Variants in CALR observed in about 807,000 individuals in gnomAD.
The protein encoded by CALR is CRP55.
CALR carries 15 observed loss-of-function variants against 51.1 expected under a neutral mutation model. The observed-to-expected ratio is 0.29, with a 90% confidence interval of 0.20 to 0.45. CALR has a LOEUF of 0.45. Among genes scored for constraint, CALR ranks in the 20% least tolerant of loss-of-function variants. The pLI, the probability that CALR is intolerant of heterozygous loss-of-function variation, is 1.00. For missense variants in CALR, 477 were observed against 530.6 expected (o/e 0.90, Z 0.99); for synonymous variants, 239 against 205.9 (o/e 1.16, Z -1.38).
chr19:12,940,332 C>T lies in CALR; in HGVS notation c.582C>T (p.Gly194=). ...TTGACAACAGCCAGGTGGAGTCCGG[C>T]TCCTTGGAAGACGATTGGGACTTCC... ...VKIDNSQVES[G]SLEDDWDFLP... The change falls in exon 5 of 9, where the codon GGC becomes GGT. Residue 194 remains glycine, a synonymous_variant. Coordinates refer to ENST00000316448, the MANE Select transcript of CALR (RefSeq NM_004343.4). 1 of 1,614,156 alleles carries T rather than the reference C, an allele frequency of 6.2e-7. No individual in the cohort carries two copies.
chr19:12,942,383 A>G (rs1454049369), intron 7 of CALR, among the ~76,000 whole-genome samples: 1 of 150,690 alleles, frequency 6.6e-6, no homozygotes, highest in Non-Finnish European at 1.5e-5. Flanking sequence ...AAATGCTGGG[A>G]CTGAATTTTT....
Position 12,940,733 on chromosome 19 carries a change from C to G in CALR, c.817-11C>G, listed in dbSNP as rs548980168. The G allele has an allele frequency of 5.0e-6, 8 of 1,614,048 alleles. No homozygotes were observed. In the Admixed American group the frequency reaches 1.0e-4, roughly 20 times the overall value. Reference sequence around the variant, plus strand: ...CTTACTCACCCTTCGGTTTCCTTCTCCCTTCTGCAGGGTGAGTGGAAGCCC... The same window carrying G: ...CTTACTCACCCTTCGGTTTCCTTCTGCCTTCTGCAGGGTGAGTGGAAGCCC... On this transcript the variant is annotated splice_polypyrimidine_tract_variant and intron_variant, in intron 6 of 8. Transcript: ENST00000316448.
Position 12,943,700 on chromosome 19 carries a change from G to T in CALR, c.1054-13G>T, listed in dbSNP as rs1355109225. On this transcript the variant is annotated splice_polypyrimidine_tract_variant and intron_variant, in intron 8 of 8. Transcript: ENST00000316448. ...CAGGGGGCAAGGCCCTGAGGTGTGT[G>T]CTCTGCCTGCAGGCAGCAGAGAAAC... 1.2e-6 allele frequency: 2 copies of T among 1,614,106 alleles called. No homozygotes were observed. The highest frequency in any genetic ancestry group is 2.2e-5 in the East Asian group (1 of 44,878).
chr19:12,940,084 G>A lies in CALR; in HGVS notation c.429G>A (p.Lys143=). The A allele has an allele frequency of 6.2e-7, 1 of 1,614,122 alleles. No individual in the cohort carries two copies. The highest frequency in any genetic ancestry group is 1.3e-5 in the African/African-American group (1 of 75,028). Residue 143 remains lysine (K), a synonymous_variant, in exon 4 of 9, where the codon AAG becomes AAA. Transcript: ENST00000316448. ...ACATCTGTGGCCCTGGCACCAAGAA[G>A]GTTCATGTCATCTTCAACTACAAGG... ...GPDICGPGTK[K]VHVIFNYKGK... is the part of the protein sequence containing the mutation.
intron 3 of CALR, 107 bp from the exon 4 acceptor site, chr19:12,939,946 T>C: frequency 1.2e-6 from 1 of 850,458 alleles, no homozygotes; most frequent in Non-Finnish European, 2.0e-6. Flanking sequence ...CTTCTCAGCC[T>C]TGACAGACCC....
At chr19:12,942,145 G>A (rs1971557279) in intron 7 of CALR, among the ~76,000 whole-genome samples, 1 of 151,862 alleles carries the variant, frequency 6.6e-6, no homozygotes, top group Non-Finnish European at 1.5e-5. Flanking sequence ...GGATCACAAG[G>A]TCAGGAGATG....
rs1472074287 is a variant in CALR at position 12,941,755 on chromosome 19, T to A, written c.960+868T>A. Among the ~76,000 whole-genome samples, 4 of 151,818 alleles carry A rather than the reference T, an allele frequency of 2.6e-5. No individual in the cohort carries two copies. The South Asian group carries it at 8.3e-4, about 32-fold the overall frequency. ...ACCTTGGCCTCCCAAAGTGCTGGGATTACAGGCGTGAGCCACCTCACCCAG... is the reference window on the plus strand; with the variant it reads ...ACCTTGGCCTCCCAAAGTGCTGGGAATACAGGCGTGAGCCACCTCACCCAG... On this transcript the variant is annotated intron_variant, in intron 7 of 8. Transcript: ENST00000316448.
Position 12,944,162 on chromosome 19 carries a change from T to G in CALR, c.*249T>G. The G allele has an allele frequency of 1.6e-6, 1 of 615,588 alleles. No individual in the cohort carries two copies. The highest frequency in any genetic ancestry group is 2.8e-6 in the Non-Finnish European group (1 of 359,574). The allele number at this position is 615,588 out of a possible 1,614,324, so 38.1% of individuals were successfully genotyped here. Reference sequence around the variant, plus strand: ...CAGCCCTCACCCCTGGTTCTCATCTTTCTTGATCAACATCTTTTCTTGCCT... The same window carrying G: ...CAGCCCTCACCCCTGGTTCTCATCTGTCTTGATCAACATCTTTTCTTGCCT... On this transcript the variant is annotated 3_prime_UTR_variant, in exon 9 of 9. Coordinates refer to ENST00000316448, the MANE Select transcript of CALR (RefSeq NM_004343.4).
In CALR at chr19:12,940,729, T is replaced by G. The variant is rs777186453; in HGVS notation, c.817-15T>G. On this transcript the variant is annotated splice_polypyrimidine_tract_variant and intron_variant, in intron 6 of 8. Transcript: ENST00000316448. ...CAACCTTACTCACCCTTCGGTTTCC[T>G]TCTCCCTTCTGCAGGGTGAGTGGAA... The G allele has an allele frequency of 6.2e-7, 1 of 1,614,186 alleles. No homozygotes were observed. Among genetic ancestry groups the G allele is most frequent in the South Asian group, 1.1e-5 (1 of 91,084 alleles).
At chr19:12,938,889 G>A (rs991460675) in intron 1 of CALR, 119 bp downstream of exon 1, 2 of 860,796 alleles carry the variant, frequency 2.3e-6, no homozygotes, top group African/African-American at 1.7e-5. Context: ...CCCGGGACTA[G>A]AGCCGCGGGC....
At chr19:12,938,968 G>T in intron 1 of CALR, 166 bp from the exon 2 acceptor site, 1 of 716,872 alleles carries the variant, frequency 1.4e-6, no homozygotes, top group Admixed American at 2.1e-5. Context: ...GTTAGGGTTA[G>T]CCCGAGGATC....
intron 7 of CALR, among the ~76,000 whole-genome samples, chr19:12,942,593 C>CT (rs527758922): frequency 0.012 from 1,640 of 133,366 alleles, 24 homozygotes; most frequent in African/African-American, 0.036. Flanking sequence ...GTCTCTCCAT[C>CT]TTTTTTTTTT....
At chr19:12,940,170 A>G in intron 4 of CALR, 23 bp downstream of exon 4, 1 of 1,611,746 alleles carries the variant, frequency 6.2e-7, no homozygotes. Context: ...GTGGTGGCAA[A>G]TGGCTGTCAT....
Position 12,940,643 on chromosome 19 carries a change from C to G in CALR, c.805C>G (p.Pro269Ala). 3 of 1,614,048 alleles carry G rather than the reference C, an allele frequency of 1.9e-6. No homozygotes were observed. Among genetic ancestry groups the G allele is most frequent in the Non-Finnish European group, 2.5e-6 (3 of 1,179,914 alleles). The change falls in exon 6 of 9, where the codon CCT (proline) becomes GCT (alanine). Residue 269 changes from proline (P) to alanine (A), a missense_variant. Transcript: ENST00000316448. ...GEWEPPVIQN[P>A]EYKGEWKPRQ... ...GTGGGAACCCCCAGTGATTCAGAAC[C>G]CTGAGTACAAGGTGAGTTTGGGGCT...
chr19:12,938,734 C>T lies in CALR; in HGVS notation c.55C>T (p.Pro19Ser). Reference sequence around the variant, plus strand: ...CCTCCTCGGCCTGGCCGTCGCCGAGCCTGCCGTCTACTTCAAGGAGCAGTT... The same window carrying T: ...CCTCCTCGGCCTGGCCGTCGCCGAGTCTGCCGTCTACTTCAAGGAGCAGTT... ...LGLLGLAVAE[P>S]AVYFKEQFLD... is the part of the protein sequence containing the mutation. Residue 19 changes from proline (P) to serine (S), a missense_variant, in exon 1 of 9, where the codon CCT (proline) becomes TCT (serine). Transcript: ENST00000316448. 1 of 1,611,790 alleles carries T rather than the reference C, an allele frequency of 6.2e-7. No individual in the cohort carries two copies. The highest frequency in any genetic ancestry group is 8.5e-7 in the Non-Finnish European group (1 of 1,179,470).
At chr19:12,939,989 A>G (rs1262674783) in intron 3 of CALR, 64 bp from the exon 4 acceptor site, 4 of 1,136,890 alleles carry the variant, frequency 3.5e-6, no homozygotes, top group Admixed American at 1.7e-5. Context: ...TTTTATAAAG[A>G]GGGGTGAGAG....
At position 12,940,943 on chromosome 19, in the gene CALR, C is replaced by T. The variant is rs571491760; in HGVS notation, c.960+56C>T. 4.3e-5 allele frequency: 68 copies of T among 1,579,008 alleles called. No homozygotes were observed. The African/African-American group carries it at 5.9e-4, about 14-fold the overall frequency. On this transcript the variant is annotated intron_variant, in intron 7 of 8. Coordinates refer to ENST00000316448, the MANE Select transcript of CALR (RefSeq NM_004343.4). The stretch of plus-strand genomic sequence containing the variant: ...GGGGTACCTCAAGTGCATAAGATCA[C>T]CCAAGAGGAAAGGGACAGGGTAGGC...
chr19:12,939,850 C>G (rs189123133), intron 3 of CALR, among the ~76,000 whole-genome samples: 1 of 151,552 alleles, frequency 6.6e-6, no homozygotes, highest in Non-Finnish European at 1.5e-5. Flanking sequence ...ATTTTGAGTT[C>G]TAGAGCACTG....
intron 2 of CALR, 50 bp from the exon 3 acceptor site, chr19:12,939,378 G>T (rs374325348): frequency 6.3e-6 from 10 of 1,578,032 alleles, no homozygotes; most frequent in Admixed American, 1.7e-5. Flanking sequence ...TAAGTCGAGG[G>T]TCCTCGCGAG....
Sources: gnomAD v4.1 joint callset for allele counts (sites outside exome capture counted in the v4.1 genomes callset) on GRCh38, gnomAD v4.1.1 for gene constraint, MANE v1.5 for transcripts, NCBI Gene and HGNC (gene_info 2026-07-23, HGNC 2026-07-21) for gene names.